MAP3K13: variants seen among roughly 807,000 people sequenced by gnomAD.
The protein encoded by MAP3K13 is leucine zipper-bearing kinase.
In MAP3K13, 52 loss-of-function variants were observed where a neutral mutation model predicts 104.0. That is an observed-to-expected ratio of 0.50 (90% CI 0.40 to 0.63). The LOEUF (loss-of-function observed/expected upper bound fraction) is 0.63, where lower values mean the gene tolerates loss of function less well. Among genes scored for constraint, MAP3K13 ranks in the 20% least tolerant of loss-of-function variants. MAP3K13 has a pLI of 0.00. For synonymous variants in MAP3K13, 394 were observed against 442.2 expected (o/e 0.89, Z 1.37); for missense variants, 914 against 1,218.5 (o/e 0.75, Z 3.72).
intron 2 of MAP3K13, among the ~76,000 whole-genome samples, chr3:185,308,222 T>A (rs984520105): frequency 6.6e-6 from 1 of 152,072 alleles, no homozygotes; most frequent in East Asian, 1.9e-4. Context: ...AAACCTTTAA[T>A]GGGGTTGTAT....
intron 2 of MAP3K13, among the ~76,000 whole-genome samples, chr3:185,349,210 T>A (rs765758830): frequency 6.6e-6 from 1 of 152,078 alleles, no homozygotes; most frequent in Non-Finnish European, 1.5e-5. Context: ...GGTTTGGGCT[T>A]CTATTGAACC....
At chr3:185,348,646 T>C (rs542164215) in intron 2 of MAP3K13, among the ~76,000 whole-genome samples, 1 of 152,100 alleles carries the variant, frequency 6.6e-6, no homozygotes, top group Admixed American at 6.6e-5. Context: ...TGGCCAGGCA[T>C]GGTGGCTCAC....
In MAP3K13 at chr3:185,363,147, C is replaced by T. The variant is rs1723714320; in HGVS notation, c.-307C>T. The T allele has an allele frequency of 1.0e-6, 1 of 985,146 alleles. No individual in the cohort carries two copies. Among genetic ancestry groups the T allele is most frequent in the Non-Finnish European group, 1.2e-6 (1 of 829,856 alleles). The allele number at this position is 985,146 out of a possible 1,614,324, so 61.0% of individuals were successfully genotyped here. On this transcript the variant is annotated 5_prime_UTR_variant, in exon 1 of 14. Coordinates refer to ENST00000265026, the MANE Select transcript of MAP3K13 (RefSeq NM_004721.5). ...CTCTTTTTTTTTTCATGACACACAC[C>T]ACAGCGAAGTCTGTGCGGAATCCTA...
intron 7 of MAP3K13, among the ~76,000 whole-genome samples, chr3:185,455,821 G>T (rs143133413): frequency 0.17 from 17,048 of 100,966 alleles, 1,635 homozygotes; most frequent in East Asian, 0.35. Context: ...ATATATATGA[G>T]ATATATATGA....
In MAP3K13 at chr3:185,428,915, G is replaced by A. The variant is rs1430375992; in HGVS notation, c.334G>A (p.Gly112Arg). ...SNTVDGESTS[G>R]TEDIKIQFSR... ...CACGGTGGACGGAGAGAGCACAAGC[G>A]GAACTGAAGACATAAAGATTCAGTT... Residue 112 changes from glycine (G) to arginine (R), a missense_variant, in exon 2 of 14, where the codon GGA becomes AGA. Coordinates refer to ENST00000265026, the MANE Select transcript of MAP3K13 (RefSeq NM_004721.5). The A allele has an allele frequency of 1.2e-6, 2 of 1,614,168 alleles. No individual in the cohort carries two copies. Among genetic ancestry groups the A allele is most frequent in the Non-Finnish European group, 1.7e-6 (2 of 1,180,032 alleles).
intron 2 of MAP3K13, among the ~76,000 whole-genome samples, chr3:185,435,653 C>A (rs139077733): frequency 1.6e-3 from 237 of 152,246 alleles, no homozygotes; most frequent in Non-Finnish European, 2.5e-3. Context: ...ATCAGGAGAA[C>A]GGGATGAAGG....
chr3:185,382,733 G>C (rs1017594186), intron 1 of MAP3K13, among the ~76,000 whole-genome samples: 1 of 152,058 alleles, frequency 6.6e-6, no homozygotes, highest in African/African-American at 2.4e-5. Flanking sequence ...GGCCGGGCGC[G>C]GTGGCTCATG....
intron 3 of MAP3K13, 57 bp downstream of exon 3, chr3:185,437,687 T>A: frequency 6.8e-7 from 1 of 1,470,430 alleles, no homozygotes; most frequent in Non-Finnish European, 9.2e-7. Flanking sequence ...CCCCAATATA[T>A]ACACACAAGT....
At chr3:185,467,081 TACTC>T (rs1165216993) in intron 10 of MAP3K13, 118 bp downstream of exon 10, 1 of 1,093,294 alleles carries the variant, frequency 9.1e-7, no homozygotes, top group African/African-American at 1.7e-5. Context: ...ACTGTAGAGA[TACTC>T]AGTACTCTAG....
chr3:185,437,404 C>T (rs1715101017), intron 2 of MAP3K13, 43 bp from the exon 3 acceptor site: 3 of 1,574,882 alleles, frequency 1.9e-6, no homozygotes, highest in Non-Finnish European at 1.7e-6. Context: ...AGAGTGGTCC[C>T]TTCTGAGATC....
intron 2 of MAP3K13, among the ~76,000 whole-genome samples, chr3:185,306,681 A>T: frequency 6.6e-6 from 1 of 151,436 alleles, no homozygotes; most frequent in African/African-American, 2.4e-5. Context: ...TGGATATTAG[A>T]CCTTTTGGTG....
In MAP3K13 at chr3:185,418,860, TG is replaced by T; in HGVS notation, c.-85-9634del. On this transcript the variant is annotated intron_variant, in intron 1 of 13. Transcript: ENST00000265026. This position sits in a 1 kb window ranked among gnomAD's most constrained non-coding sequence, Gnocchi z 4.5. ...CATGTTCTTGTCTTTTCATCTGTTT[TG>T]GGTTTCAGTTCTCTTAATCATGATC... The T allele has an allele frequency of 7.1e-7, 1 of 1,406,252 alleles. No individual in the cohort carries two copies. The allele number at this position is 1,406,252 out of a possible 1,614,324, so 87.1% of individuals were successfully genotyped here.
chr3:185,456,623 G>A (rs541485524), intron 7 of MAP3K13, among the ~76,000 whole-genome samples: 133 of 109,616 alleles, frequency 1.2e-3, no homozygotes, highest in Non-Finnish European at 1.9e-3. Flanking sequence ...TTTTTGAGAC[G>A]GAGTCTTGCT....
intron 2 of MAP3K13, among the ~76,000 whole-genome samples, chr3:185,429,660 A>G (rs968229417): frequency 2.0e-5 from 3 of 152,172 alleles, no homozygotes; most frequent in African/African-American, 7.2e-5. Flanking sequence ...AATTTTAAAA[A>G]GTTTACTGAT....
chr3:185,349,881 A>T (rs968686233), intron 2 of MAP3K13, among the ~76,000 whole-genome samples: 5 of 152,282 alleles, frequency 3.3e-5, no homozygotes, highest in African/African-American at 9.6e-5. Flanking sequence ...GTAGGCAGGA[A>T]CTCTTTCTCT....
rs142940131 is a variant in MAP3K13, at chr3:185,322,638, G to A, written c.-86+36995G>A. Among the ~76,000 whole-genome samples, 680 of 152,092 alleles carry A rather than the reference G, an allele frequency of 4.5e-3. 3 individuals carry two copies. Among genetic ancestry groups the A allele is most frequent in the African/African-American group, 0.016 (643 of 41,458 alleles). ...ATACTGTGTATCCAGATGCCTTTTG[G>A]ACAATTCAACTAGGACATTTTAGAG... On this transcript the variant is annotated intron_variant, in intron 2 of 14. Transcript: ENST00000424227.
At chr3:185,306,123 T>A (rs1721282390) in intron 2 of MAP3K13, among the ~76,000 whole-genome samples, 1 of 152,240 alleles carries the variant, frequency 6.6e-6, no homozygotes. Context: ...ATCCTTTTTT[T>A]ATGACTGCAT....
chr3:185,337,757 C>T (rs1324784640), intron 2 of MAP3K13, among the ~76,000 whole-genome samples: 2 of 151,418 alleles, frequency 1.3e-5, no homozygotes, highest in Non-Finnish European at 2.9e-5. Context: ...TTAAGAACTA[C>T]TGGGCCTCAC....
At chr3:185,431,017 C>T (rs940710860) in intron 2 of MAP3K13, among the ~76,000 whole-genome samples, 1 of 152,070 alleles carries the variant, frequency 6.6e-6, no homozygotes, top group Non-Finnish European at 1.5e-5. Flanking sequence ...GAAGGTCTTA[C>T]CATGGCAGAG....
Sources: gnomAD v4.1 joint callset for allele counts (sites outside exome capture counted in the v4.1 genomes callset) on GRCh38, gnomAD v4.1.1 for gene constraint, Gnocchi (gnomAD v3.1) non-coding constraint, MANE v1.5 for transcripts, NCBI Gene and HGNC (gene_info 2026-07-23, HGNC 2026-07-21) for gene names.